Variants in SYTL5 observed in about 807,000 individuals in gnomAD.
SYTL5 encodes synaptotagmin like 5.
In SYTL5, 34 loss-of-function variants were observed where a neutral mutation model predicts 55.9. That is an observed-to-expected ratio of 0.61 (90% CI 0.46 to 0.81). The LOEUF is 0.81. Ranked by LOEUF, SYTL5 falls within the 30% of genes least tolerant of loss-of-function variation. The pLI is 0.00. For synonymous variants in SYTL5, 221 were observed against 188.7 expected, an observed-to-expected ratio of 1.17 and a Z score of -1.40; for missense variants, 637 against 546.7, an observed-to-expected ratio of 1.17 and a Z score of -1.65.
At chrX:38,119,826 A>T (rs962459019) in intron 13 of SYTL5, among the ~76,000 whole-genome samples, 3 of 112,310 alleles carry the variant, frequency 2.7e-5, no homozygotes, top group African/African-American at 9.7e-5. Flanking sequence ...CACTTTCTCC[A>T]TGTTGAATTT....
At chrX:37,981,625 G>A in the SYTL5 span, among the ~76,000 whole-genome samples, 10 of 111,537 alleles carry the variant, frequency 9.0e-5, no homozygotes, top group African/African-American at 3.3e-4. Context: ...ATTGACCTAG[G>A]TAACTAACCT....
At chrX:37,930,655 C>T in the SYTL5 span, among the ~76,000 whole-genome samples, 1,018 of 111,974 alleles carry the variant, frequency 9.1e-3, 9 homozygotes, top group African/African-American at 0.031. Context: ...TGAATCTCAT[C>T]CTGATTAATT....
At chrX:37,905,437 G>T in the SYTL5 span, among the ~76,000 whole-genome samples, 10 of 96,886 alleles carry the variant, frequency 1.0e-4, no homozygotes, top group African/African-American at 4.1e-4. Flanking sequence ...GTGTGTGTGT[G>T]TGGGGGGGGC....
chrX:38,034,339 C>T (rs1015253682), intron 2 of SYTL5, among the ~76,000 whole-genome samples: 1 of 112,545 alleles, frequency 8.9e-6, no homozygotes, highest in African/African-American at 3.2e-5. Context: ...AGCTACTCAA[C>T]TTCCCTATGC....
At chrX:37,980,659 T>C in the SYTL5 span, among the ~76,000 whole-genome samples, 900 of 111,923 alleles carry the variant, frequency 8.0e-3, 11 homozygotes, top group African/African-American at 0.028. Flanking sequence ...GAACACAGGG[T>C]TCCTTCTCCC....
intron 1 of SYTL5, among the ~76,000 whole-genome samples, chrX:38,019,484 G>T (rs1381873459): frequency 9.0e-6 from 1 of 111,460 alleles, no homozygotes; most frequent in Non-Finnish European, 1.9e-5. Context: ...AGCCAAAATT[G>T]GGATTTATGA....
chrX:38,093,627 C>T (rs1414054227), intron 7 of SYTL5, among the ~76,000 whole-genome samples: 2 of 111,166 alleles, frequency 1.8e-5, no homozygotes, highest in African/African-American at 6.5e-5. Flanking sequence ...AAATGCAAGT[C>T]CCAGACTGAA....
At chrX:37,972,294 C>T in the SYTL5 span, among the ~76,000 whole-genome samples, 1 of 111,568 alleles carries the variant, frequency 9.0e-6, no homozygotes, top group African/African-American at 3.3e-5. Flanking sequence ...GTAGAAAAAG[C>T]AATAGAGAAT....
chrX:37,940,604 GTATATA>G, the SYTL5 span, among the ~76,000 whole-genome samples: 1 of 94,871 alleles, frequency 1.1e-5, no homozygotes, highest in African/African-American at 3.7e-5. Context: ...AGGTGTGTAT[GTATATA>G]TATATATATA....
rs757472099 is a variant in SYTL5, at chrX:38,078,710, C to T, written c.689+2009C>T. Among the ~76,000 whole-genome samples, 8 of 112,338 alleles carry T rather than the reference C, an allele frequency of 7.1e-5. No homozygotes were observed. In the South Asian group the frequency reaches 2.6e-3, roughly 36 times the overall value. On this transcript the variant is annotated intron_variant, in intron 6 of 16. Transcript: ENST00000297875. ...CTTATACCGTAATGGACTCTATCTGCCTCAGTTTACTCTTTGTGTATTATC... is the reference window on the plus strand; with the variant it reads ...CTTATACCGTAATGGACTCTATCTGTCTCAGTTTACTCTTTGTGTATTATC...
chrX:38,014,195 C>T (rs1934277570), intron 1 of SYTL5, among the ~76,000 whole-genome samples: 2 of 112,109 alleles, frequency 1.8e-5, no homozygotes, highest in South Asian at 3.7e-4. Flanking sequence ...ACACACACAC[C>T]TGTGTGTTAT....
chrX:37,968,558 C>T, the SYTL5 span, among the ~76,000 whole-genome samples: 3 of 111,480 alleles, frequency 2.7e-5, no homozygotes, highest in African/African-American at 9.8e-5. Flanking sequence ...TACCATGATC[C>T]AGATAATAGA....
chrX:38,030,658 A>G (rs5963374), intron 1 of SYTL5, among the ~76,000 whole-genome samples: 32,917 of 110,885 alleles, frequency 0.3, 6,985 homozygotes, highest in African/African-American at 0.75. Context: ...AAATGGCAAA[A>G]GTCACACAGA....
chrX:38,115,478 C>T (rs1328048055), intron 13 of SYTL5, among the ~76,000 whole-genome samples: 1 of 64,827 alleles, frequency 1.5e-5, no homozygotes, highest in Non-Finnish European at 2.7e-5. Flanking sequence ...AGCGAGACTC[C>T]GTCTCAAAAA....
At chrX:37,916,206 T>A in the SYTL5 span, among the ~76,000 whole-genome samples, 4 of 111,578 alleles carry the variant, frequency 3.6e-5, no homozygotes, top group Admixed American at 1.9e-4. Flanking sequence ...CCCTAATGGC[T>A]CCCACACAAC....
At chrX:37,907,886 AATTTTTTATTTTTT>A in the SYTL5 span, among the ~76,000 whole-genome samples, 2 of 111,651 alleles carry the variant, frequency 1.8e-5, no homozygotes, top group African/African-American at 3.2e-5. Context: ...TTTAATATTT[AATTTTTTATTTTTT>A]ATTTTTTATT....
intron 3 of SYTL5, among the ~76,000 whole-genome samples, chrX:38,068,528 G>A (rs957301083): frequency 2.7e-4 from 30 of 112,125 alleles, no homozygotes; most frequent in African/African-American, 9.4e-4. Context: ...ACTTAACCTA[G>A]GTGCCCATCA....
chrX:37,971,519 C>CAACAACAACAACAAT, the SYTL5 span, among the ~76,000 whole-genome samples: 1 of 109,400 alleles, frequency 9.1e-6, no homozygotes, highest in Non-Finnish European at 1.9e-5. Flanking sequence ...GTTTGCAAAA[C>CAACAACAACAACAAT]AACAACAACA....
chrX:37,955,715 A>G, the SYTL5 span, among the ~76,000 whole-genome samples: 22 of 111,215 alleles, frequency 2.0e-4, no homozygotes, highest in Non-Finnish European at 4.0e-4. Context: ...TCCCTAAAGG[A>G]CTCTGTGAAT....
Sources: gnomAD v4.1 joint callset for allele counts (sites outside exome capture counted in the v4.1 genomes callset) on GRCh38, gnomAD v4.1.1 for gene constraint, MANE v1.5 for transcripts, NCBI Gene and HGNC (gene_info 2026-07-23, HGNC 2026-07-21) for gene names.